The following NELL1 variants were observed in gnomAD, a reference collection of about 807,000 sequenced individuals.
NELL1 encodes neural EGFL like 1.
A neutral mutation model predicts 107.4 loss-of-function variants in NELL1; 76 were observed. The ratio of observed to expected loss-of-function variants is 0.71; its 90% CI spans 0.59 to 0.86. The LOEUF is 0.86. Among genes scored for constraint, NELL1 ranks in the 40% least tolerant of loss-of-function variants. NELL1 has a pLI of 0.00. For missense variants in NELL1, 1,024 were observed against 1,005.5 expected (o/e 1.02, Z -0.25); for synonymous variants, 353 against 341.2 (o/e 1.03, Z -0.38).
chr11:20,954,909 T>C (rs1331099405), intron 11 of NELL1, among the ~76,000 whole-genome samples: 1 of 152,090 alleles, frequency 6.6e-6, no homozygotes, highest in Non-Finnish European at 1.5e-5. Context: ...TTCCAGGCTG[T>C]CAGATGCATG....
At chr11:21,438,341 TGTTA>T (rs1418897004) in intron 15 of NELL1, among the ~76,000 whole-genome samples, 2 of 152,090 alleles carry the variant, frequency 1.3e-5, no homozygotes, top group Non-Finnish European at 2.9e-5. Context: ...AAAAATACAT[TGTTA>T]GTCTGATAGG....
intron 12 of NELL1, among the ~76,000 whole-genome samples, chr11:21,103,090 G>T (rs557554017): frequency 1.3e-5 from 2 of 152,290 alleles, no homozygotes; most frequent in Non-Finnish European, 2.9e-5. Flanking sequence ...CATACAGGTG[G>T]TAGAGGACAA....
At chr11:20,784,315 A>G (rs1471691591) in intron 3 of NELL1, among the ~76,000 whole-genome samples, 1 of 152,216 alleles carries the variant, frequency 6.6e-6, no homozygotes, top group Non-Finnish European at 1.5e-5. Context: ...TAAAGGTAAG[A>G]GCAGTCATTC....
intron 12 of NELL1, among the ~76,000 whole-genome samples, chr11:20,989,674 C>T (rs1028313102): frequency 1.6e-4 from 24 of 152,090 alleles, no homozygotes; most frequent in African/African-American, 5.3e-4. Flanking sequence ...GATTCCATAG[C>T]TTTTTAGTGA....
intron 14 of NELL1, among the ~76,000 whole-genome samples, chr11:21,290,381 AATAAATAAAATAAATAG>A (rs1200940221): frequency 1.6e-5 from 2 of 125,258 alleles, no homozygotes; most frequent in African/African-American, 6.1e-5. Context: ...AAAATAAATA[AATAAATAAAATAAATAG>A]ATAAATAAAT....
intron 2 of NELL1, among the ~76,000 whole-genome samples, chr11:20,757,199 C>A (rs1856316725): frequency 6.6e-6 from 1 of 151,066 alleles, no homozygotes; most frequent in Non-Finnish European, 1.5e-5. Flanking sequence ...AATTGTGATA[C>A]CATATATATA....
At chr11:21,413,804 C>T (rs1216084323) in intron 15 of NELL1, among the ~76,000 whole-genome samples, 1 of 152,058 alleles carries the variant, frequency 6.6e-6, no homozygotes, top group Non-Finnish European at 1.5e-5. Flanking sequence ...AATTTCACCC[C>T]ATGACCTGTC....
intron 5 of NELL1, among the ~76,000 whole-genome samples, chr11:20,913,705 T>C (rs901165029): frequency 2.6e-5 from 4 of 152,048 alleles, no homozygotes; most frequent in African/African-American, 9.7e-5. Flanking sequence ...CGTCCATCCG[T>C]ACTAAATAGT....
intron 14 of NELL1, among the ~76,000 whole-genome samples, chr11:21,304,945 G>A (rs1273902187): frequency 2.0e-5 from 3 of 151,966 alleles, no homozygotes; most frequent in Non-Finnish European, 4.4e-5. Flanking sequence ...AGACATTGGT[G>A]TACTGGTATT....
intron 2 of NELL1, among the ~76,000 whole-genome samples, chr11:20,752,073 T>C (rs1002977770): frequency 3.9e-5 from 6 of 152,210 alleles, no homozygotes; most frequent in African/African-American, 1.4e-4. Context: ...TTTCTTGCCT[T>C]ATTGCACTGA....
intron 12 of NELL1, among the ~76,000 whole-genome samples, chr11:21,081,087 T>C (rs911959629): frequency 6.6e-6 from 1 of 152,100 alleles, no homozygotes; most frequent in Non-Finnish European, 1.5e-5. Context: ...TCCACATCCA[T>C]TCCATAAACT....
chr11:21,139,550 A>T (rs1286382792), intron 13 of NELL1, among the ~76,000 whole-genome samples: 1 of 152,172 alleles, frequency 6.6e-6, no homozygotes, highest in African/African-American at 2.4e-5. Context: ...CTTAATCATG[A>T]TCTGTCTCTT....
intron 13 of NELL1, among the ~76,000 whole-genome samples, chr11:21,140,907 T>A (rs1855851513): frequency 2.6e-5 from 4 of 151,964 alleles, no homozygotes; most frequent in Admixed American, 2.6e-4. Context: ...CAGACTCTGG[T>A]TGAGTTTTTT....
chr11:21,453,486 T>C (rs1197934523), intron 15 of NELL1, among the ~76,000 whole-genome samples: 1 of 152,138 alleles, frequency 6.6e-6, no homozygotes, highest in Admixed American at 6.5e-5. Flanking sequence ...GTATACATTT[T>C]ATGTCTCCAT....
intron 5 of NELL1, among the ~76,000 whole-genome samples, chr11:20,887,300 A>C (rs1414381252): frequency 6.6e-6 from 1 of 152,222 alleles, no homozygotes; most frequent in Non-Finnish European, 1.5e-5. Context: ...AACCACTATA[A>C]ACATTTGCAT....
At chr11:21,365,436 T>G (rs1352396952) in intron 14 of NELL1, among the ~76,000 whole-genome samples, 1 of 152,196 alleles carries the variant, frequency 6.6e-6, no homozygotes, top group East Asian at 1.9e-4. Context: ...TATAATATGA[T>G]TAATCGACAG....
At chr11:20,933,958 T>C (rs113125311) in intron 9 of NELL1, among the ~76,000 whole-genome samples, 1 of 152,240 alleles carries the variant, frequency 6.6e-6, no homozygotes, top group African/African-American at 2.4e-5. Flanking sequence ...TGAAATATTC[T>C]AGTTTGCATG....
intron 4 of NELL1, among the ~76,000 whole-genome samples, chr11:20,870,962 C>G (rs141667628): frequency 1.3e-5 from 2 of 152,314 alleles, no homozygotes; most frequent in African/African-American, 4.8e-5. Context: ...AAGTTATCCT[C>G]TCTGTAAACA....
intron 14 of NELL1, among the ~76,000 whole-genome samples, chr11:21,327,180 TGG>T (rs1319198587): frequency 5.7e-5 from 4 of 70,144 alleles, no homozygotes; most frequent in Non-Finnish European, 1.1e-4. Context: ...TTTTTTTTTG[TGG>T]GGGGGACTGT....
Sources: gnomAD v4.1 joint callset for allele counts (sites outside exome capture counted in the v4.1 genomes callset) on GRCh38, gnomAD v4.1.1 for gene constraint, MANE v1.5 for transcripts, NCBI Gene and HGNC (gene_info 2026-07-23, HGNC 2026-07-21) for gene names.